PTPRD: variants seen among roughly 807,000 people sequenced by gnomAD.
The protein encoded by PTPRD is receptor-type tyrosine-protein phosphatase delta.
Under a neutral mutation model 214.5 loss-of-function variants are expected in PTPRD, and 34 were observed. The observed-to-expected ratio is 0.16, with a 90% CI of 0.12 to 0.21. The LOEUF (loss-of-function observed/expected upper bound fraction) is 0.21. Among genes scored for constraint, PTPRD ranks in the 10% least tolerant of loss-of-function variants. The pLI is 1.00. For synonymous variants in PTPRD, 1,128 were observed against 845.7 expected (o/e 1.33, Z -5.79); for missense variants, 2,545 against 2,398.7 (o/e 1.06, Z -1.27).
intron 3 of PTPRD, among the ~76,000 whole-genome samples, chr9:10,063,762 T>C (rs2097824071): frequency 6.6e-6 from 1 of 151,982 alleles, no homozygotes; most frequent in Admixed American, 6.6e-5. Flanking sequence ...TCTTGCAATG[T>C]AGCAATACCA....
chr9:10,332,401 C>G (rs2096767596), intron 3 of PTPRD, among the ~76,000 whole-genome samples: 1 of 151,742 alleles, frequency 6.6e-6, no homozygotes, highest in Admixed American at 6.6e-5. Context: ...TTCTTCTAAT[C>G]CTCAAAACAG....
chr9:9,784,901 T>A (rs564595126), intron 5 of PTPRD, among the ~76,000 whole-genome samples: 16 of 148,862 alleles, frequency 1.1e-4, no homozygotes, highest in African/African-American at 3.9e-4. Context: ...TACACACATA[T>A]AATCTCTCCT....
At chr9:9,984,451 T>G (rs531777548) in intron 4 of PTPRD, among the ~76,000 whole-genome samples, 1 of 152,224 alleles carries the variant, frequency 6.6e-6, no homozygotes, top group East Asian at 1.9e-4. Flanking sequence ...AATTTATCGG[T>G]GTGCCAGACT....
intron 11 of PTPRD, among the ~76,000 whole-genome samples, chr9:8,925,871 T>TTTTG (rs2098884530): frequency 6.6e-6 from 1 of 151,228 alleles, no homozygotes; most frequent in South Asian, 2.1e-4. Flanking sequence ...TTTTTTTTTT[T>TTTTG]TTTTTTACTG....
chr9:9,837,932 C>A (rs750430358), intron 5 of PTPRD, among the ~76,000 whole-genome samples: 10 of 152,132 alleles, frequency 6.6e-5, no homozygotes, highest in Non-Finnish European at 1.3e-4. Context: ...CCCAACCCCA[C>A]AACAGTCCCC....
At chr9:10,611,356 T>C (rs1257411693) in intron 2 of PTPRD, among the ~76,000 whole-genome samples, 1 of 152,134 alleles carries the variant, frequency 6.6e-6, no homozygotes, top group Admixed American at 6.5e-5. Flanking sequence ...TTGGCAGTGA[T>C]AAAGAAAAAA....
At chr9:9,823,958 T>C (rs188136793) in intron 5 of PTPRD, among the ~76,000 whole-genome samples, 2 of 152,168 alleles carry the variant, frequency 1.3e-5, no homozygotes, top group East Asian at 1.9e-4. Flanking sequence ...TTTATGTTTG[T>C]ATCAAAATAT....
At chr9:8,661,207 TA>T in intron 12 of PTPRD, among the ~76,000 whole-genome samples, 1 of 152,016 alleles carries the variant, frequency 6.6e-6, no homozygotes, top group Non-Finnish European at 1.5e-5. Context: ...CTGAGGACAC[TA>T]AAAAGAATCA....
At chr9:8,318,964 G>A (rs922918977) in intron 45 of PTPRD, among the ~76,000 whole-genome samples, 37 of 152,050 alleles carry the variant, frequency 2.4e-4, no homozygotes, top group Admixed American at 2.4e-3. Flanking sequence ...AAAATGGTTG[G>A]TAATGCAAAA....
chr9:9,434,979 G>T (rs2084657010), intron 8 of PTPRD, among the ~76,000 whole-genome samples: 1 of 150,900 alleles, frequency 6.6e-6, no homozygotes, highest in South Asian at 2.1e-4. Context: ...AGAATTCTTT[G>T]TCATTGAATG....
chr9:9,768,134 C>A (rs1302124571), intron 5 of PTPRD, among the ~76,000 whole-genome samples: 1 of 152,074 alleles, frequency 6.6e-6, no homozygotes, highest in Non-Finnish European at 1.5e-5. Context: ...TATTTGATGG[C>A]CAAAACTAGT....
chr9:9,539,399 CTT>C (rs2154270684), intron 8 of PTPRD, among the ~76,000 whole-genome samples: 1 of 151,952 alleles, frequency 6.6e-6, no homozygotes, highest in South Asian at 2.1e-4. Flanking sequence ...TTGAAAATGA[CTT>C]TTGTCTCTTG....
At chr9:9,776,679 A>G (rs1362839691) in intron 5 of PTPRD, among the ~76,000 whole-genome samples, 1 of 152,238 alleles carries the variant, frequency 6.6e-6, no homozygotes, top group Non-Finnish European at 1.5e-5. Context: ...CAGCCATTAC[A>G]TGTTAAAATG....
chr9:9,836,874 C>T (rs547521538), intron 5 of PTPRD, among the ~76,000 whole-genome samples: 63 of 152,172 alleles, frequency 4.1e-4, no homozygotes, highest in African/African-American at 1.4e-3. Context: ...AGAAAACTAC[C>T]ATATCAAGAG....
intron 5 of PTPRD, among the ~76,000 whole-genome samples, chr9:9,824,862 T>A (rs192569131): frequency 6.6e-6 from 1 of 151,996 alleles, no homozygotes; most frequent in African/African-American, 2.4e-5. Context: ...CCAGTATTCA[T>A]GTCCAGGCAC....
In PTPRD at chr9:9,197,001, G is replaced by A. The variant is rs1043607344; in HGVS notation, c.-202-13638C>T. On this transcript the variant is annotated intron_variant, in intron 9 of 45. Coordinates refer to ENST00000381196, the MANE Select transcript of PTPRD (RefSeq NM_002839.4). ...AAGATCACTCCCTAATCATGTCTGA[G>A]AATAGACAAAAACATAATAACATTG... is the stretch of plus-strand genomic sequence containing the variant. 2.6e-5 allele frequency among the ~76,000 whole-genome samples: 4 copies of A among 152,084 alleles called. No homozygotes were observed. In the East Asian group the frequency reaches 7.7e-4, roughly 29 times the overall value.
chr9:10,348,732 A>G (rs959892339), intron 2 of PTPRD, among the ~76,000 whole-genome samples: 1 of 152,188 alleles, frequency 6.6e-6, no homozygotes, highest in Non-Finnish European at 1.5e-5. Context: ...ACTTCGATAT[A>G]TGTGTGAAAG....
intron 11 of PTPRD, among the ~76,000 whole-genome samples, chr9:8,978,325 C>T (rs765020114): frequency 3.9e-5 from 6 of 152,086 alleles, no homozygotes; most frequent in Non-Finnish European, 8.8e-5. Flanking sequence ...GTGTAAGTCC[C>T]TTATCAGTTC....
Position 9,328,618 on chromosome 9 carries a change from C to CT in PTPRD, c.-203+68830dup, listed in dbSNP as rs869076374. Among the ~76,000 whole-genome samples the CT allele has an allele frequency of 1.8e-4, 5 of 28,230 alleles. 1 individual carries two copies. Among genetic ancestry groups the CT allele is most frequent in the Non-Finnish European group, 2.6e-4 (4 of 15,454 alleles). The allele number at this position is 28,230 out of a possible 152,430, so 18.5% of individuals were successfully genotyped here. A position where few individuals can be genotyped will look rare whatever the true frequency, so the allele number is the denominator to read the frequency against. On this transcript the variant is annotated intron_variant, in intron 9 of 45. Transcript: ENST00000381196. ...ACATTTTCTTTTGTTGTTGTTCTTGCTTTTTTTTTTTTTTTTTTTTTTTTT... is the reference window on the plus strand; with the variant it reads ...ACATTTTCTTTTGTTGTTGTTCTTGCTTTTTTTTTTTTTTTTTTTTTTTTTT...
Sources: allele counts gnomAD v4.1 joint callset (sites outside exome capture counted in the v4.1 genomes callset), GRCh38; gene constraint gnomAD v4.1.1; transcripts MANE v1.5; gene names NCBI Gene and HGNC (gene_info 2026-07-23, HGNC 2026-07-21).